The following CNTNAP2 variants were observed in gnomAD, a reference collection of about 807,000 sequenced individuals.
The protein encoded by CNTNAP2 is contactin-associated protein-like 2.
CNTNAP2 carries 98 observed loss-of-function variants against 155.2 expected under a neutral mutation model. The ratio of observed to expected loss-of-function variants is 0.63; its 90% CI spans 0.54 to 0.75. The LOEUF (loss-of-function observed/expected upper bound fraction) is 0.75. Among genes scored for constraint, CNTNAP2 ranks in the 30% least tolerant of loss-of-function variants. CNTNAP2 has a pLI of 0.00. For missense variants in CNTNAP2, 1,727 were observed against 1,688.1 expected, an observed-to-expected ratio of 1.02 and a Z score of -0.40; for synonymous variants, 651 against 631.2, an observed-to-expected ratio of 1.03 and a Z score of -0.47.
chr7:147,506,268 T>G lies in CNTNAP2; in HGVS notation c.1777+20227T>G, dbSNP rs374622911. 9.2e-5 allele frequency among the ~76,000 whole-genome samples: 14 copies of G among 152,288 alleles called. No homozygotes were observed. In the East Asian group the frequency reaches 2.3e-3, roughly 25 times the overall value. The stretch of plus-strand genomic sequence containing the variant: ...TTGTTTGTTTGTTCTGTTTGTTTTT[T>G]GTTCGAGATGGAGTTTTGCTCTTGT... On this transcript the variant is annotated intron_variant, in intron 11 of 23. Coordinates refer to ENST00000361727, the MANE Select transcript of CNTNAP2 (RefSeq NM_014141.6).
At chr7:146,174,024 G>C (rs529376153) in intron 1 of CNTNAP2, among the ~76,000 whole-genome samples, 1 of 151,874 alleles carries the variant, frequency 6.6e-6, no homozygotes, top group East Asian at 1.9e-4. Context: ...CTGGCCAACA[G>C]TGATACCCTA....
At chr7:147,553,313 C>T (rs1020072213) in intron 11 of CNTNAP2, among the ~76,000 whole-genome samples, 4 of 152,068 alleles carry the variant, frequency 2.6e-5, no homozygotes, top group African/African-American at 9.7e-5. Context: ...ATGGAGAAAA[C>T]CATTAAATGA....
At chr7:146,684,247 T>C (rs1433279092) in intron 1 of CNTNAP2, among the ~76,000 whole-genome samples, 1 of 152,062 alleles carries the variant, frequency 6.6e-6, no homozygotes, top group East Asian at 1.9e-4. Context: ...ATAAGATGAG[T>C]TCACAAACCA....
intron 8 of CNTNAP2, among the ~76,000 whole-genome samples, chr7:147,165,478 T>C (rs1188632141): frequency 6.6e-6 from 1 of 152,222 alleles, no homozygotes; most frequent in Non-Finnish European, 1.5e-5. Context: ...GACTGTTCCC[T>C]TTGCTGTGCA....
intron 9 of CNTNAP2, among the ~76,000 whole-genome samples, chr7:147,325,833 A>T (rs1051371601): frequency 6.6e-6 from 1 of 152,180 alleles, no homozygotes; most frequent in Non-Finnish European, 1.5e-5. Context: ...TGTCTTCAGG[A>T]CTTTTCGTCA....
At chr7:146,517,842 A>C (rs1797563392) in intron 1 of CNTNAP2, among the ~76,000 whole-genome samples, 1 of 151,918 alleles carries the variant, frequency 6.6e-6, no homozygotes, top group African/African-American at 2.4e-5. Flanking sequence ...GAGACATACA[A>C]AATGATTTTG....
chr7:147,320,248 A>G (rs937195346), intron 9 of CNTNAP2, among the ~76,000 whole-genome samples: 4 of 152,168 alleles, frequency 2.6e-5, no homozygotes, highest in African/African-American at 7.2e-5. Flanking sequence ...GATGCTGAAG[A>G]TATTTCTACA....
chr7:147,605,893 C>T (rs916260261), intron 12 of CNTNAP2, among the ~76,000 whole-genome samples: 1 of 151,722 alleles, frequency 6.6e-6, no homozygotes, highest in South Asian at 2.1e-4. Flanking sequence ...CTTCCCTTCT[C>T]TCTCTCTCTC....
chr7:146,605,218 T>G (rs1157646960), intron 1 of CNTNAP2, among the ~76,000 whole-genome samples: 1 of 151,384 alleles, frequency 6.6e-6, no homozygotes, highest in Non-Finnish European at 1.5e-5. Flanking sequence ...CTTTATTGTA[T>G]TCATTTCACT....
At chr7:146,163,463 TTATATATATC>T (rs1248337037) in intron 1 of CNTNAP2, among the ~76,000 whole-genome samples, 18 of 147,732 alleles carry the variant, frequency 1.2e-4, no homozygotes, top group Admixed American at 6.8e-4. Context: ...AAATATCACA[TTATATATATC>T]TATATATATC....
chr7:147,339,280 G>A (rs1323681947), intron 9 of CNTNAP2, among the ~76,000 whole-genome samples: 1 of 152,132 alleles, frequency 6.6e-6, no homozygotes, highest in Non-Finnish European at 1.5e-5. Flanking sequence ...ATCCATGGGG[G>A]CAGTTTTCTC....
intron 1 of CNTNAP2, among the ~76,000 whole-genome samples, chr7:146,426,508 T>A (rs2129115781): frequency 6.6e-6 from 1 of 151,018 alleles, no homozygotes; most frequent in East Asian, 2.0e-4. Flanking sequence ...TATCTACTTG[T>A]ACACGTGTGT....
intron 13 of CNTNAP2, among the ~76,000 whole-genome samples, chr7:147,721,169 T>C (rs1363272268): frequency 1.3e-5 from 2 of 151,998 alleles, no homozygotes; most frequent in African/African-American, 4.8e-5. Flanking sequence ...GAGTTGGTAC[T>C]AAAATCAGTG....
chr7:148,258,287 A>T (rs1005190378), intron 20 of CNTNAP2, among the ~76,000 whole-genome samples: 1 of 152,166 alleles, frequency 6.6e-6, no homozygotes, highest in Non-Finnish European at 1.5e-5. Flanking sequence ...CCAAGGGAGG[A>T]TCAGGAACAG....
At chr7:147,753,479 TATG>T (rs1267443921) in intron 13 of CNTNAP2, among the ~76,000 whole-genome samples, 2 of 152,212 alleles carry the variant, frequency 1.3e-5, no homozygotes, top group African/African-American at 4.8e-5. Context: ...ACAACTCGAT[TATG>T]ATGGATGCAA....
chr7:148,301,306 A>AAAAAAAAAATATATATATATATAT, intron 21 of CNTNAP2, among the ~76,000 whole-genome samples: 1 of 103,848 alleles, frequency 9.6e-6, no homozygotes, highest in African/African-American at 3.8e-5. Flanking sequence ...AAAAAAAAAA[A>AAAAAAAAAATATATATATATATAT]ATATATATAT....
intron 3 of CNTNAP2, among the ~76,000 whole-genome samples, chr7:146,995,145 G>A (rs1462106002): frequency 2.0e-5 from 3 of 151,916 alleles, no homozygotes; most frequent in Admixed American, 6.6e-5. Flanking sequence ...AGATTGATTC[G>A]ATTTGTGATA....
chr7:146,720,993 A>ATATTATATATATATACTCTC, intron 1 of CNTNAP2, among the ~76,000 whole-genome samples: 1 of 121,460 alleles, frequency 8.2e-6, no homozygotes, highest in African/African-American at 3.9e-5. Flanking sequence ...TATACTGTAT[A>ATATTATATATATATACTCTC]TATATAGTCT....
intron 21 of CNTNAP2, among the ~76,000 whole-genome samples, chr7:148,288,756 G>A (rs1797135453): frequency 6.6e-6 from 1 of 151,686 alleles, no homozygotes; most frequent in Non-Finnish European, 1.5e-5. Context: ...TAAGGTATCT[G>A]CAAAACCTTT....
Sources: allele counts gnomAD v4.1 joint callset (sites outside exome capture counted in the v4.1 genomes callset), GRCh38; gene constraint gnomAD v4.1.1; transcripts MANE v1.5; gene names NCBI Gene and HGNC (gene_info 2026-07-23, HGNC 2026-07-21).